The following NCALD variants were observed in gnomAD, a reference collection of about 807,000 sequenced individuals.
NCALD encodes the protein neurocalcin delta.
A neutral mutation model predicts 18.6 loss-of-function variants in NCALD; 10 were observed. The observed-to-expected ratio is 0.54, with a 90% CI of 0.33 to 0.91. The LOEUF is 0.91. NCALD is among the 40% of genes least tolerant of loss of function. The pLI, the probability that NCALD is intolerant of heterozygous loss-of-function variation, is 0.03. For missense variants in NCALD, 184 were observed against 247.6 expected (o/e 0.74, Z 1.72); for synonymous variants, 88 against 87.4 (o/e 1.01, Z -0.04).
At chr8:101,843,096 A>G (rs1465234503) in intron 4 of NCALD, among the ~76,000 whole-genome samples, 1 of 152,200 alleles carries the variant, frequency 6.6e-6, no homozygotes, top group Non-Finnish European at 1.5e-5. Context: ...TGGCATAAAC[A>G]TATAATATGT....
At position 101,766,653 on chromosome 8, in the gene NCALD, T is replaced by G. The variant is rs1433672196; in HGVS notation, c.-20+24209A>C. On this transcript the variant is annotated intron_variant, in intron 1 of 3. Transcript: ENST00000220931. ...CCAGGCTGGAGTGATCTCAGCCCAC[T>G]GCAACCTCTGAATCCTGGGTTCAAG... Among the ~76,000 whole-genome samples the G allele has an allele frequency of 3.3e-5, 5 of 152,314 alleles. No homozygotes were observed. In the South Asian group the frequency reaches 1.0e-3, roughly 32 times the overall value.
intron 1 of NCALD, among the ~76,000 whole-genome samples, chr8:102,059,254 C>T (rs1040774905): frequency 1.3e-5 from 2 of 152,244 alleles, no homozygotes; most frequent in Admixed American, 1.3e-4. Context: ...TTTCCAAGGA[C>T]ATCCTCTTGT....
At chr8:101,777,379 T>C (rs1418888467) in intron 1 of NCALD, among the ~76,000 whole-genome samples, 2 of 152,150 alleles carry the variant, frequency 1.3e-5, no homozygotes, top group African/African-American at 4.8e-5. Flanking sequence ...TGGTCTAATT[T>C]AGGTTTGTAT....
At chr8:101,700,609 T>C (rs1452536078) in intron 2 of NCALD, among the ~76,000 whole-genome samples, 2 of 152,140 alleles carry the variant, frequency 1.3e-5, no homozygotes, top group African/African-American at 2.4e-5. Flanking sequence ...ATTCTTCTTC[T>C]TGGGATTCTG....
Position 102,054,449 on chromosome 8 carries a change from A to C in NCALD, c.-209-34160T>G, listed in dbSNP as rs1320456602. 2.0e-5 allele frequency among the ~76,000 whole-genome samples: 3 copies of C among 152,260 alleles called. No individual in the cohort carries two copies. In the South Asian group the frequency reaches 6.2e-4, roughly 32 times the overall value. Reference sequence around the variant, plus strand: ...TGCACCTGTACCCCCTAAATATATAAAAATAAATGACTAAACAAGATAATG... The same window carrying C: ...TGCACCTGTACCCCCTAAATATATACAAATAAATGACTAAACAAGATAATG... On this transcript the variant is annotated intron_variant, in intron 1 of 6. Coordinates refer to the NCALD transcript ENST00000311028.
At chr8:101,895,427 G>T (rs1037848356) in intron 3 of NCALD, among the ~76,000 whole-genome samples, 1 of 150,824 alleles carries the variant, frequency 6.6e-6, no homozygotes, top group Non-Finnish European at 1.5e-5. Flanking sequence ...GGCAAAAACT[G>T]GAAGCATTCC....
intron 2 of NCALD, among the ~76,000 whole-genome samples, chr8:101,949,110 C>G (rs930239166): frequency 6.6e-6 from 1 of 152,196 alleles, no homozygotes; most frequent in Non-Finnish European, 1.5e-5. Context: ...ACCTACCCAC[C>G]TTGTATAAGC....
At chr8:101,749,662 G>A (rs146100675) in intron 1 of NCALD, among the ~76,000 whole-genome samples, 3 of 152,240 alleles carry the variant, frequency 2.0e-5, no homozygotes, top group African/African-American at 7.2e-5. Flanking sequence ...CATATACAGA[G>A]GAAGGAGGAA....
chr8:102,093,287 T>C (rs570060162), intron 1 of NCALD, among the ~76,000 whole-genome samples: 1 of 152,356 alleles, frequency 6.6e-6, no homozygotes, highest in South Asian at 2.1e-4. Flanking sequence ...GTGACTGTTT[T>C]GGGGTCTGAA....
In NCALD at chr8:101,687,236, T is replaced by A. The variant is rs1200853060; in HGVS notation, c.*2073A>T. 6.6e-6 allele frequency: 1 copy of A among 152,622 alleles called. No homozygotes were observed. Among genetic ancestry groups the A allele is most frequent in the East Asian group, 1.9e-4 (1 of 5,194 alleles). The allele number at this position is 152,622 out of a possible 1,614,324, so 9.5% of individuals were successfully genotyped here. A position where few individuals can be genotyped will look rare whatever the true frequency, so the allele number is the denominator to read the frequency against. On this transcript the variant is annotated 3_prime_UTR_variant, in exon 4 of 4. Coordinates refer to ENST00000220931, the MANE Select transcript of NCALD (RefSeq NM_032041.3). ...ACTGATTCCACCTACCAAAGGAGAA[T>A]CAAAGGAAGGAACTAGGACTTCGAT...
At chr8:101,783,696 T>G (rs1283510488) in intron 1 of NCALD, among the ~76,000 whole-genome samples, 1 of 152,194 alleles carries the variant, frequency 6.6e-6, no homozygotes, top group Non-Finnish European at 1.5e-5. Context: ...CACTGCACTC[T>G]CCTGCAGGGA....
chr8:101,884,030 C>G (rs941624944), intron 4 of NCALD, among the ~76,000 whole-genome samples: 1 of 152,236 alleles, frequency 6.6e-6, no homozygotes, highest in Non-Finnish European at 1.5e-5. Flanking sequence ...CTTTCATGAT[C>G]TGGCTCCTGC....
At chr8:101,821,600 C>A (rs1011499381) in intron 4 of NCALD, among the ~76,000 whole-genome samples, 1 of 152,086 alleles carries the variant, frequency 6.6e-6, no homozygotes, top group Non-Finnish European at 1.5e-5. Flanking sequence ...CAGCCCTCCA[C>A]GAGGTCCTGT....
At chr8:102,060,147 A>ATT (rs951251929) in intron 1 of NCALD, among the ~76,000 whole-genome samples, 1 of 151,828 alleles carries the variant, frequency 6.6e-6, no homozygotes, top group Non-Finnish European at 1.5e-5. Context: ...TGCCTGGCTA[A>ATT]TTTTTTTGTA....
intron 1 of NCALD, among the ~76,000 whole-genome samples, chr8:102,048,217 C>T (rs1461924410): frequency 6.6e-6 from 1 of 152,182 alleles, no homozygotes; most frequent in African/African-American, 2.4e-5. Context: ...GGAGGCTTCA[C>T]CAAAGATACG....
intron 2 of NCALD, among the ~76,000 whole-genome samples, chr8:102,006,840 C>G (rs1821731122): frequency 6.6e-6 from 1 of 152,206 alleles, no homozygotes; most frequent in Non-Finnish European, 1.5e-5. Context: ...GTAAATAGTG[C>G]TTTGTTACAT....
At chr8:102,101,004 T>C (rs952953008) in intron 1 of NCALD, among the ~76,000 whole-genome samples, 3 of 151,114 alleles carry the variant, frequency 2.0e-5, no homozygotes, top group Non-Finnish European at 4.4e-5. Flanking sequence ...AATGTGAATG[T>C]ACTTAATGCC....
chr8:101,725,557 C>G (rs1380719541), intron 1 of NCALD, among the ~76,000 whole-genome samples: 1 of 152,226 alleles, frequency 6.6e-6, no homozygotes, highest in Non-Finnish European at 1.5e-5. Flanking sequence ...GTCACCCTGA[C>G]TCTCCACTGA....
At chr8:102,045,577 AAC>A in intron 1 of NCALD, among the ~76,000 whole-genome samples, 1 of 152,342 alleles carries the variant, frequency 6.6e-6, no homozygotes, top group Non-Finnish European at 1.5e-5. Flanking sequence ...TATCATCACC[AAC>A]ACAGAGTTCA....
Sources: gnomAD v4.1 joint callset for allele counts (sites outside exome capture counted in the v4.1 genomes callset) on GRCh38, gnomAD v4.1.1 for gene constraint, MANE v1.5 for transcripts, NCBI Gene and HGNC (gene_info 2026-07-23, HGNC 2026-07-21) for gene names.